TENM3: variants seen among roughly 807,000 people sequenced by gnomAD.
The protein encoded by TENM3 is teneurin-3.
A neutral mutation model predicts 255.1 loss-of-function variants in TENM3; 63 were observed. The ratio of observed to expected loss-of-function variants is 0.25; its 90% CI spans 0.20 to 0.30. The LOEUF is 0.30. TENM3 is among the 10% of genes least tolerant of loss of function. The probability of loss-of-function intolerance (pLI) is 1.00; values close to 1 mark genes in which losing one functional copy is unlikely to be tolerated. For synonymous variants in TENM3, 1,306 were observed against 1,322.3 expected, an observed-to-expected ratio of 0.99 and a Z score of 0.27; for missense variants, 2,929 against 3,461.1, an observed-to-expected ratio of 0.85 and a Z score of 3.86.
chr4:182,468,589 T>C (rs575096326), intron 3 of TENM3, among the ~76,000 whole-genome samples: 27 of 152,336 alleles, frequency 1.8e-4, no homozygotes, highest in African/African-American at 5.8e-4. Flanking sequence ...TTGATCAGAA[T>C]TGTATTGTTT....
At chr4:182,590,959 C>T (rs932364983) in intron 3 of TENM3, among the ~76,000 whole-genome samples, 1 of 152,092 alleles carries the variant, frequency 6.6e-6, no homozygotes, top group African/African-American at 2.4e-5. Context: ...TTTCTCTTCC[C>T]TCTGCTTTTG....
chr4:182,076,235 A>G, the TENM3 span, among the ~76,000 whole-genome samples: 1,426 of 78,666 alleles, frequency 0.018, 26 homozygotes, highest in African/African-American at 0.057. Flanking sequence ...TTTTTTTTTG[A>G]GACAGAGTCT....
the TENM3 span, among the ~76,000 whole-genome samples, chr4:181,643,868 G>A: frequency 6.6e-6 from 1 of 152,200 alleles, no homozygotes; most frequent in South Asian, 2.1e-4. Flanking sequence ...CTTGAGGTCA[G>A]GAGTTTGAGA....
chr4:181,756,875 T>C, the TENM3 span, among the ~76,000 whole-genome samples: 2 of 152,286 alleles, frequency 1.3e-5, no homozygotes, highest in Non-Finnish European at 2.9e-5. Context: ...AAGCATTCTT[T>C]CTTTGGAAAA....
At chr4:182,757,472 C>G (rs1051113607) in intron 22 of TENM3, among the ~76,000 whole-genome samples, 5 of 152,110 alleles carry the variant, frequency 3.3e-5, no homozygotes, top group African/African-American at 1.2e-4. Flanking sequence ...TATGTCCTTA[C>G]TCGTTCCCAG....
chr4:181,702,918 C>T, the TENM3 span, among the ~76,000 whole-genome samples: 1 of 151,906 alleles, frequency 6.6e-6, no homozygotes, highest in Non-Finnish European at 1.5e-5. Context: ...TGTCCCTGGC[C>T]AGTATGAAAA....
the TENM3 span, among the ~76,000 whole-genome samples, chr4:182,094,555 T>G: frequency 6.6e-6 from 1 of 152,206 alleles, no homozygotes; most frequent in Non-Finnish European, 1.5e-5. Context: ...CAGCCAGCCT[T>G]ATTCTTAAAG....
At chr4:182,503,815 C>G (rs1043169143) in intron 3 of TENM3, among the ~76,000 whole-genome samples, 1 of 152,042 alleles carries the variant, frequency 6.6e-6, no homozygotes, top group Admixed American at 6.6e-5. Flanking sequence ...GTAATTCAAC[C>G]TACTACACCC....
At chr4:181,690,674 G>T in the TENM3 span, among the ~76,000 whole-genome samples, 465 of 152,182 alleles carry the variant, frequency 3.1e-3, 3 homozygotes, top group Non-Finnish European at 4.8e-3. Flanking sequence ...CCCTGAAAGG[G>T]AAGGGAAATA....
chr4:182,792,830 T>C lies in TENM3; in HGVS notation c.6158T>C (p.Val2053Ala). Residue 2053 changes from valine (V) to alanine (A), a missense_variant, in exon 26 of 28, where the codon GTT becomes GCT. Val to Ala is a moderately conservative substitution (Grantham distance 64). This residue lies in a region of TENM3 where 256 missense variants were observed against 389.3 expected (regional missense o/e 0.66). Coordinates refer to ENST00000511685, the MANE Select transcript of TENM3 (RefSeq NM_001080477.4). This position sits in a 1 kb window ranked among gnomAD's most constrained non-coding sequence, Gnocchi z 6.3. Reference protein sequence around the residue: ...LYQFDDISGKVEQFGKFGVIY... With the variant: ...LYQFDDISGKAEQFGKFGVIY... ...CAGTTTGATGACATTTCTGGCAAAGTTGAGCAGTTTGGAAAGTTTGGAGTT... is the reference window on the plus strand; with the variant it reads ...CAGTTTGATGACATTTCTGGCAAAGCTGAGCAGTTTGGAAAGTTTGGAGTT... 1 of 1,613,918 alleles carries C rather than the reference T, an allele frequency of 6.2e-7. No individual in the cohort carries two copies. Among genetic ancestry groups the C allele is most frequent in the East Asian group, 2.2e-5 (1 of 44,878 alleles).
chr4:182,517,008 GA>G (rs553433166), intron 3 of TENM3, among the ~76,000 whole-genome samples: 1 of 151,394 alleles, frequency 6.6e-6, no homozygotes, highest in African/African-American at 2.4e-5. Flanking sequence ...TTTCATATAA[GA>G]AAAAAAATAA....
the TENM3 span, among the ~76,000 whole-genome samples, chr4:181,973,894 ATTTGGAGAAAAC>A: frequency 6.6e-6 from 1 of 152,332 alleles, no homozygotes; most frequent in East Asian, 1.9e-4. Flanking sequence ...GAGAAGAAGC[ATTTGGAGAAAAC>A]AGCAACAACA....
the TENM3 span, among the ~76,000 whole-genome samples, chr4:181,759,792 AT>A: frequency 1.3e-5 from 2 of 151,450 alleles, no homozygotes; most frequent in Admixed American, 6.6e-5. Context: ...GGTAGAAAAA[AT>A]AATAGATGTT....
chr4:181,525,667 T>C, the TENM3 span, among the ~76,000 whole-genome samples: 1 of 152,210 alleles, frequency 6.6e-6, no homozygotes, highest in African/African-American at 2.4e-5. Flanking sequence ...TTTGTATAAC[T>C]AGAATGTTTC....
At chr4:181,967,306 C>T in the TENM3 span, among the ~76,000 whole-genome samples, 1 of 152,098 alleles carries the variant, frequency 6.6e-6, no homozygotes, top group African/African-American at 2.4e-5. Context: ...AGTTCTGTAA[C>T]CCCCAGCTTA....
chr4:182,320,321 A>C (rs2150478418), intron 1 of TENM3, among the ~76,000 whole-genome samples: 1 of 152,248 alleles, frequency 6.6e-6, no homozygotes, highest in South Asian at 2.1e-4. Context: ...CTGGAGGTAA[A>C]AAGTGTGAGG....
intron 11 of TENM3, among the ~76,000 whole-genome samples, chr4:182,686,671 A>T (rs1273779596): frequency 2.0e-5 from 3 of 152,160 alleles, no homozygotes; most frequent in African/African-American, 7.2e-5. Context: ...TTGTTCATTA[A>T]TTAGCCCTTC....
chr4:182,421,313 A>G (rs557434293), intron 3 of TENM3, among the ~76,000 whole-genome samples: 3 of 152,286 alleles, frequency 2.0e-5, no homozygotes, highest in African/African-American at 7.2e-5. Context: ...GAGGGCTTAG[A>G]GAGATTAAGG....
chr4:182,657,651 G>T (rs1028544192), intron 6 of TENM3, among the ~76,000 whole-genome samples: 1 of 151,888 alleles, frequency 6.6e-6, no homozygotes, highest in African/African-American at 2.4e-5. Context: ...TATTTTATTT[G>T]TTTATTTATT....
Sources: gnomAD v4.1 joint callset for allele counts (sites outside exome capture counted in the v4.1 genomes callset) on GRCh38, gnomAD v4.1.1 for gene constraint, gnomAD v4.1.1 regional missense constraint, Gnocchi (gnomAD v3.1) non-coding constraint, MANE v1.5 for transcripts, NCBI Gene and HGNC (gene_info 2026-07-23, HGNC 2026-07-21) for gene names.